Variants in SNW1 observed in about 807,000 individuals in gnomAD.
SNW1 encodes SNW domain-containing protein 1.
SNW1 carries 9 observed loss-of-function variants against 75.6 expected under a neutral mutation model. That is an observed-to-expected ratio of 0.12 (90% CI 0.07 to 0.21). The LOEUF (loss-of-function observed/expected upper bound fraction) is 0.21, where lower values mean the gene tolerates loss of function less well. Ranked by LOEUF, SNW1 falls within the 10% of genes least tolerant of loss-of-function variation. The probability of loss-of-function intolerance (pLI) is 1.00; values close to 1 mark genes in which losing one functional copy is unlikely to be tolerated. For synonymous variants in SNW1, 200 were observed against 219.1 expected, an observed-to-expected ratio of 0.91 and a Z score of 0.77; for missense variants, 409 against 670.9, an observed-to-expected ratio of 0.61 and a Z score of 4.31.
intron 10 of SNW1, 128 bp from the exon 11 acceptor site, chr14:77,723,405 A>C: frequency 1.4e-6 from 1 of 690,136 alleles, no homozygotes; most frequent in Non-Finnish European, 2.5e-6. Context: ...GCTGGAGTGT[A>C]GTAGCATGAA....
intron 1 of SNW1, among the ~76,000 whole-genome samples, chr14:77,759,484 A>G (rs1299213771): frequency 1.3e-5 from 2 of 152,174 alleles, no homozygotes; most frequent in Non-Finnish European, 2.9e-5. Context: ...ACTGCACTCC[A>G]GCCTGGGCAA....
chr14:77,752,486 A>G (rs1390840696), intron 2 of SNW1, among the ~76,000 whole-genome samples: 2 of 152,226 alleles, frequency 1.3e-5, no homozygotes, highest in African/African-American at 2.4e-5. Flanking sequence ...CATGATTCAC[A>G]CATGTATTAT....
intron 9 of SNW1, among the ~76,000 whole-genome samples, chr14:77,731,351 C>T (rs564092667): frequency 4.9e-4 from 75 of 152,338 alleles, no homozygotes; most frequent in African/African-American, 1.5e-3. Flanking sequence ...TTGAAACTAT[C>T]GTGACCCCAA....
At chr14:77,746,429 TCA>T (rs76054571) in intron 3 of SNW1, among the ~76,000 whole-genome samples, 5,505 of 152,310 alleles carry the variant, frequency 0.036, 145 homozygotes, top group Non-Finnish European at 0.053. Flanking sequence ...ATAAGATCGT[TCA>T]CAGAGAATAA....
At chr14:77,721,010 G>A (rs2080535874) in intron 11 of SNW1, 182 bp from the exon 12 acceptor site, 1 of 578,024 alleles carries the variant, frequency 1.7e-6, no homozygotes, top group Non-Finnish European at 3.1e-6. Context: ...TTTCAGATTA[G>A]AGGGAGAGTT....
chr14:77,723,773 GCCT>G (rs2080562805), intron 10 of SNW1, among the ~76,000 whole-genome samples: 1 of 152,066 alleles, frequency 6.6e-6, no homozygotes, highest in Non-Finnish European at 1.5e-5. Flanking sequence ...TCCTGCCTCA[GCCT>G]CCCAAGTAGC....
chr14:77,735,634 C>T (rs1230376801), intron 7 of SNW1, among the ~76,000 whole-genome samples: 1 of 152,162 alleles, frequency 6.6e-6, no homozygotes, highest in Non-Finnish European at 1.5e-5. Flanking sequence ...CAAAACATAT[C>T]TTAAAAAGTC....
intron 2 of SNW1, among the ~76,000 whole-genome samples, chr14:77,753,195 T>TCAC (rs1288898021): frequency 2.6e-5 from 4 of 152,202 alleles, no homozygotes; most frequent in African/African-American, 7.2e-5. Flanking sequence ...TTGTTCTGTT[T>TCAC]CACCAGGATA....
chr14:77,760,823 T>C lies in SNW1; in HGVS notation c.14+291A>G, dbSNP rs2080883752. On this transcript the variant is annotated intron_variant, in intron 1 of 13. Coordinates refer to ENST00000261531, the MANE Select transcript of SNW1 (RefSeq NM_012245.3). ...GAGCCGCGGACCTGAGGGAGCGCTGTCCGCTCCCCGCAAGATGCTCACGCG... is the reference window on the plus strand; with the variant it reads ...GAGCCGCGGACCTGAGGGAGCGCTGCCCGCTCCCCGCAAGATGCTCACGCG... 3 of 722,692 alleles carry C rather than the reference T, an allele frequency of 4.2e-6. No homozygotes were observed. The South Asian group carries it at 4.4e-5, about 11-fold the overall frequency. The allele number at this position is 722,692 out of a possible 1,614,324, so 44.8% of individuals were successfully genotyped here.
chr14:77,739,104 C>T lies in SNW1; in HGVS notation c.331-43G>A, dbSNP rs142085421. ...AAGCAGGCTTAAGAAAAGCAAACAA[C>T]GAAAAGAAACCTCATTAGCCATTTC... is the stretch of plus-strand genomic sequence containing the variant. On this transcript the variant is annotated intron_variant, in intron 3 of 13. Transcript: ENST00000261531. 6.5e-5 allele frequency: 93 copies of T among 1,431,434 alleles called. No homozygotes were observed. The East Asian group carries it at 9.1e-4, about 14-fold the overall frequency. The allele number at this position is 1,431,434 out of a possible 1,614,324, so 88.7% of individuals were successfully genotyped here.
rs1555387522 is a variant in SNW1, at chr14:77,736,549, A to AAAAAAACAAAAAC, written c.638+421_638+422insGTTTTTGTTTTTT. On this transcript the variant is annotated intron_variant, in intron 6 of 13. Transcript: ENST00000261531. Reference sequence around the variant, plus strand: ...GGGTGACAGAGCGAGACTGTCTCTCAAAAAACAAAAACAAAAACAAAAACA... The same window carrying AAAAAAACAAAAAC: ...GGGTGACAGAGCGAGACTGTCTCTCAAAAAAACAAAAACAAAAACAAAAACAAAAACAAAAACA... Among the ~76,000 whole-genome samples the AAAAAAACAAAAAC allele has an allele frequency of 1.6e-3, 101 of 63,896 alleles. 2 individuals carry two copies. Among genetic ancestry groups the AAAAAAACAAAAAC allele is most frequent in the African/African-American group, 3.9e-3 (90 of 23,088 alleles). 41.9% of individuals were successfully genotyped at this position (63,896 alleles called of 152,430 possible). A position where few individuals can be genotyped will look rare whatever the true frequency, so the allele number is the denominator to read the frequency against.
At chr14:77,720,884 G>A (rs1437133379) in intron 11 of SNW1, 56 bp from the exon 12 acceptor site, 3 of 1,064,060 alleles carry the variant, frequency 2.8e-6, no homozygotes, top group Non-Finnish European at 4.4e-6. Context: ...AGCTGAATAT[G>A]TTCAATAGAA....
intron 8 of SNW1, 41 bp downstream of exon 8, chr14:77,734,906 G>C (rs1171836433): frequency 1.5e-6 from 2 of 1,353,656 alleles, no homozygotes; most frequent in Admixed American, 3.6e-5. Context: ...GTGTTTTCCA[G>C]TAGGTTATAC....
Position 77,720,843 on chromosome 14 carries a change from G to C in SNW1, c.1131-15C>G. Reference sequence around the variant, plus strand: ...GAAGTTTCGACCTATTTTGAAATACGACATCACTAACTGAAAACTCTTTAT... The same window carrying C: ...GAAGTTTCGACCTATTTTGAAATACCACATCACTAACTGAAAACTCTTTAT... On this transcript the variant is annotated splice_polypyrimidine_tract_variant and intron_variant, in intron 11 of 13. Coordinates refer to ENST00000261531, the MANE Select transcript of SNW1 (RefSeq NM_012245.3). The C allele has an allele frequency of 6.6e-7, 1 of 1,518,606 alleles. No homozygotes were observed. Among genetic ancestry groups the C allele is most frequent in the African/African-American group, 1.4e-5 (1 of 72,798 alleles). 94.1% of individuals were successfully genotyped at this position (1,518,606 alleles called of 1,614,324 possible).
At chr14:77,748,153 G>C (rs1660572715) in intron 3 of SNW1, among the ~76,000 whole-genome samples, 1 of 152,088 alleles carries the variant, frequency 6.6e-6, no homozygotes, top group African/African-American at 2.4e-5. Context: ...GTCCACTCAG[G>C]GTTAAATGGA....
At chr14:77,723,322 TGTGTGCATAC>T in intron 10 of SNW1, 45 bp from the exon 11 acceptor site, 34 of 1,372,350 alleles carry the variant, frequency 2.5e-5, no homozygotes, top group Non-Finnish European at 3.2e-5. Context: ...ATGTATTATA[TGTGTGCATAC>T]GTGTACACGT....
chr14:77,747,320 G>A (rs1342566834), intron 3 of SNW1, among the ~76,000 whole-genome samples: 1 of 152,166 alleles, frequency 6.6e-6, no homozygotes, highest in African/African-American at 2.4e-5. Context: ...CGAGACTGCA[G>A]CCTCTGCCCG....
intron 3 of SNW1, among the ~76,000 whole-genome samples, chr14:77,743,843 T>TC (rs1038876930): frequency 4.6e-5 from 7 of 152,254 alleles, no homozygotes; most frequent in African/African-American, 1.7e-4. Flanking sequence ...ATCAAAGTGC[T>TC]CCCCCAGTGC....
At chr14:77,719,748 A>G (rs1415946505) in intron 12 of SNW1, among the ~76,000 whole-genome samples, 3 of 152,254 alleles carry the variant, frequency 2.0e-5, no homozygotes, top group East Asian at 3.8e-4. Context: ...CATCTATAAC[A>G]TAAGAGATAA....
Sources: gnomAD v4.1 joint callset for allele counts (sites outside exome capture counted in the v4.1 genomes callset) on GRCh38, gnomAD v4.1.1 for gene constraint, MANE v1.5 for transcripts, NCBI Gene and HGNC (gene_info 2026-07-23, HGNC 2026-07-21) for gene names.